The following ZFAND6 variants were observed in gnomAD, a reference collection of about 807,000 sequenced individuals.
The protein encoded by ZFAND6 is AN1-type zinc finger protein 6.
ZFAND6 carries 12 observed loss-of-function variants against 24.5 expected under a neutral mutation model. The ratio of observed to expected loss-of-function variants is 0.49; its 90% CI spans 0.31 to 0.79. ZFAND6 has a LOEUF of 0.79. Among genes scored for constraint, ZFAND6 ranks in the 30% least tolerant of loss-of-function variants. The probability of loss-of-function intolerance (pLI) is 0.04; values close to 1 mark genes in which losing one functional copy is unlikely to be tolerated. For synonymous variants in ZFAND6, 92 were observed against 81.5 expected (o/e 1.13, Z -0.69); for missense variants, 207 against 245.9 (o/e 0.84, Z 1.06).
intron 1 of ZFAND6, among the ~76,000 whole-genome samples, chr15:80,096,569 A>G (rs1430496928): frequency 6.6e-6 from 1 of 152,254 alleles, no homozygotes; most frequent in Admixed American, 6.5e-5. Flanking sequence ...CTTACAGCAT[A>G]GCAAATGTTA....
At chr15:80,115,063 G>C (rs1004625435) in intron 2 of ZFAND6, 2 of 152,082 alleles carry the variant, frequency 1.3e-5, no homozygotes, top group Non-Finnish European at 2.9e-5. Flanking sequence ...ACCAGAAGGG[G>C]AACTTGGGCA....
intron 1 of ZFAND6, among the ~76,000 whole-genome samples, chr15:80,091,114 A>C (rs1044115170): frequency 2.0e-5 from 3 of 152,270 alleles, no homozygotes; most frequent in African/African-American, 7.2e-5. Flanking sequence ...AAATTCTTGC[A>C]AAGAAAGATT....
chr15:80,134,168 T>G (rs2040750217), intron 6 of ZFAND6, among the ~76,000 whole-genome samples: 1 of 152,108 alleles, frequency 6.6e-6, no homozygotes, highest in African/African-American at 2.4e-5. Flanking sequence ...CTTTGTATCT[T>G]TAGTAGAGAC....
chr15:80,082,187 A>G (rs1417087460), intron 1 of ZFAND6, among the ~76,000 whole-genome samples: 1 of 152,218 alleles, frequency 6.6e-6, no homozygotes, highest in Non-Finnish European at 1.5e-5. Context: ...AGCAGTGGTG[A>G]ATTATGAAGG....
chr15:80,079,167 T>G (rs1411201729), intron 1 of ZFAND6, among the ~76,000 whole-genome samples: 1 of 152,132 alleles, frequency 6.6e-6, no homozygotes, highest in South Asian at 2.1e-4. Context: ...TTGTCAGAGG[T>G]GCAGTTTGTG....
intron 1 of ZFAND6, among the ~76,000 whole-genome samples, chr15:80,088,327 T>C (rs1202167130): frequency 6.6e-6 from 1 of 152,100 alleles, no homozygotes; most frequent in East Asian, 1.9e-4. Flanking sequence ...CCAGCACTTT[T>C]AGGGCCAAGG....
intron 6 of ZFAND6, among the ~76,000 whole-genome samples, chr15:80,136,123 CA>C (rs532411226): frequency 4.7e-3 from 551 of 117,680 alleles, no homozygotes; most frequent in Middle Eastern, 9.3e-3. Context: ...GACCCTGTGT[CA>C]AAAAAAAAAA....
intron 3 of ZFAND6, 52 bp from the exon 4 acceptor site, chr15:80,121,660 T>TA (rs2040151868): frequency 2.0e-6 from 3 of 1,503,256 alleles, no homozygotes; most frequent in Non-Finnish European, 2.8e-6. Flanking sequence ...AGATAAGGTC[T>TA]TAGACTGCTG....
chr15:80,107,228 G>A (rs2039378822), intron 2 of ZFAND6, among the ~76,000 whole-genome samples: 1 of 151,878 alleles, frequency 6.6e-6, no homozygotes, highest in South Asian at 2.1e-4. Flanking sequence ...AAAAAAAATA[G>A]ATTTAGTAAA....
chr15:80,131,691 G>A (rs1470162654), intron 6 of ZFAND6, among the ~76,000 whole-genome samples: 4 of 152,216 alleles, frequency 2.6e-5, no homozygotes, highest in African/African-American at 9.6e-5. Context: ...AGACATGTAA[G>A]CAGTTAGCCC....
At chr15:80,069,655 C>CA (rs1405424870) in intron 1 of ZFAND6, among the ~76,000 whole-genome samples, 2 of 151,562 alleles carry the variant, frequency 1.3e-5, no homozygotes, top group Non-Finnish European at 2.9e-5. Flanking sequence ...TATTTAGAGA[C>CA]AGAGTCTTAC....
At chr15:80,072,265 A>G (rs146313662) in intron 1 of ZFAND6, among the ~76,000 whole-genome samples, 1 of 152,230 alleles carries the variant, frequency 6.6e-6, no homozygotes, top group African/African-American at 2.4e-5. Context: ...AAAGCATTGT[A>G]TTTTAAACAA....
chr15:80,109,827 C>T lies in ZFAND6; in HGVS notation c.-17-10501C>T, dbSNP rs915637083. Among the ~76,000 whole-genome samples the T allele has an allele frequency of 3.9e-5, 6 of 152,148 alleles. No homozygotes were observed. In the East Asian group the frequency reaches 1.2e-3, roughly 29 times the overall value. ...TCAATTGCTGCATAAGAAACTAACC[C>T]AAAATTCACTGGCTTAAACAACAAA... is the stretch of plus-strand genomic sequence containing the variant. On this transcript the variant is annotated intron_variant, in intron 2 of 6. Transcript: ENST00000261749.
intron 1 of ZFAND6, among the ~76,000 whole-genome samples, chr15:80,062,180 G>A (rs940161730): frequency 6.6e-6 from 1 of 152,066 alleles, no homozygotes; most frequent in Admixed American, 6.6e-5. Context: ...AATTTCTCTT[G>A]TGCCTTAGCA....
intron 6 of ZFAND6, among the ~76,000 whole-genome samples, chr15:80,136,413 C>T (rs1272224700): frequency 6.6e-6 from 1 of 151,560 alleles, no homozygotes; most frequent in Admixed American, 6.6e-5. Flanking sequence ...TGTGGTGAGC[C>T]GAGATCATGC....
intron 1 of ZFAND6, among the ~76,000 whole-genome samples, chr15:80,061,023 A>G (rs569168483): frequency 7.2e-5 from 11 of 152,362 alleles, no homozygotes; most frequent in African/African-American, 2.6e-4. Context: ...AGTGTAAAAT[A>G]CCATAAACTT....
chr15:80,121,384 C>T (rs998902394), intron 3 of ZFAND6, among the ~76,000 whole-genome samples: 2 of 152,134 alleles, frequency 1.3e-5, no homozygotes, highest in Non-Finnish European at 2.9e-5. Flanking sequence ...ACTGCTATGT[C>T]ATCTTATTTA....
At chr15:80,073,055 G>A (rs1042518224) in intron 1 of ZFAND6, among the ~76,000 whole-genome samples, 4 of 151,954 alleles carry the variant, frequency 2.6e-5, no homozygotes, top group African/African-American at 4.8e-5. Flanking sequence ...GCTTAAATAC[G>A]TCTTTTTTAG....
At chr15:80,068,598 C>G (rs1016438058) in intron 1 of ZFAND6, among the ~76,000 whole-genome samples, 5 of 152,222 alleles carry the variant, frequency 3.3e-5, no homozygotes, top group Non-Finnish European at 4.4e-5. Flanking sequence ...TCTCGAACAC[C>G]TGACCTCAGG....
Sources: gnomAD v4.1 joint callset for allele counts (sites outside exome capture counted in the v4.1 genomes callset) on GRCh38, gnomAD v4.1.1 for gene constraint, MANE v1.5 for transcripts, NCBI Gene and HGNC (gene_info 2026-07-23, HGNC 2026-07-21) for gene names.